The following GPC6 variants were observed in gnomAD, a reference collection of about 807,000 sequenced individuals.
GPC6 encodes glypican 6.
A neutral mutation model predicts 55.2 loss-of-function variants in GPC6; 14 were observed. The observed-to-expected ratio is 0.25, with a 90% confidence interval of 0.17 to 0.40. The LOEUF (loss-of-function observed/expected upper bound fraction) is 0.40. GPC6 is among the 10% of genes least tolerant of loss of function. The pLI, the probability that GPC6 is intolerant of heterozygous loss-of-function variation, is 1.00. For synonymous variants in GPC6, 278 were observed against 259.6 expected, an observed-to-expected ratio of 1.07 and a Z score of -0.68; for missense variants, 641 against 708.5, an observed-to-expected ratio of 0.90 and a Z score of 1.08.
chr13:93,690,520 A>AT (rs143715045), intron 2 of GPC6, among the ~76,000 whole-genome samples: 103 of 149,462 alleles, frequency 6.9e-4, no homozygotes, highest in Middle Eastern at 3.4e-3. Flanking sequence ...TGATTTTTTA[A>AT]TTTTTTTTTT....
At chr13:93,341,364 A>G (rs1164298708) in intron 1 of GPC6, among the ~76,000 whole-genome samples, 1 of 152,226 alleles carries the variant, frequency 6.6e-6, no homozygotes, top group Admixed American at 6.5e-5. Context: ...CATTCTCACC[A>G]GCAGTGTTTA....
intron 1 of GPC6, among the ~76,000 whole-genome samples, chr13:93,324,536 GTA>G (rs1171293283): frequency 2.6e-5 from 3 of 114,208 alleles, no homozygotes; most frequent in African/African-American, 4.4e-5. Context: ...TCTCATGTAT[GTA>G]TGTGTGTATA....
chr13:94,295,422 G>GCAA (rs1214418956), intron 5 of GPC6, among the ~76,000 whole-genome samples: 5 of 152,102 alleles, frequency 3.3e-5, no homozygotes, highest in African/African-American at 1.2e-4. Context: ...TAGTCTGTGG[G>GCAA]GTTGTTTTTA....
chr13:93,278,337 C>G (rs920819694), intron 1 of GPC6, among the ~76,000 whole-genome samples: 1 of 152,124 alleles, frequency 6.6e-6, no homozygotes, highest in Non-Finnish European at 1.5e-5. Context: ...CAGTTCGATA[C>G]TATTAGGTAT....
rs1389901193 is a variant in GPC6 at position 93,979,345 on chromosome 13, GT to G, written c.712-48376del. Reference sequence around the variant, plus strand: ...TGTGTGTGTTTTTTTGTGTGTGTGTGTTTTTTTTAATTTTTTTTTTATTATA... The same window carrying G: ...TGTGTGTGTTTTTTTGTGTGTGTGTGTTTTTTTAATTTTTTTTTTATTATA... On this transcript the variant is annotated intron_variant, in intron 3 of 8. Coordinates refer to ENST00000377047, the MANE Select transcript of GPC6 (RefSeq NM_005708.5). Among the ~76,000 whole-genome samples the G allele has an allele frequency of 1.1e-3, 158 of 147,054 alleles. 3 individuals carry two copies. In the South Asian group the frequency reaches 0.013, roughly 12 times the overall value.
At chr13:93,999,645 A>G (rs962490762) in intron 3 of GPC6, among the ~76,000 whole-genome samples, 3 of 152,212 alleles carry the variant, frequency 2.0e-5, no homozygotes, top group African/African-American at 4.8e-5. Flanking sequence ...AAGACTGAAT[A>G]GTATTCCATT....
intron 3 of GPC6, among the ~76,000 whole-genome samples, chr13:94,005,973 A>C (rs1277368054): frequency 6.6e-6 from 1 of 152,186 alleles, no homozygotes; most frequent in African/African-American, 2.4e-5. Flanking sequence ...AGAAATGCAA[A>C]AGATGTTGAA....
At chr13:94,262,044 G>A (rs1891672226) in intron 4 of GPC6, among the ~76,000 whole-genome samples, 1 of 152,128 alleles carries the variant, frequency 6.6e-6, no homozygotes, top group Non-Finnish European at 1.5e-5. Context: ...GAGGAAGTGG[G>A]ATCTATAAGG....
chr13:93,634,903 C>G (rs1879628651), intron 2 of GPC6, among the ~76,000 whole-genome samples: 1 of 152,074 alleles, frequency 6.6e-6, no homozygotes, highest in Admixed American at 6.6e-5. Context: ...ATAGGAACAA[C>G]TTTGAGTAGG....
chr13:93,266,894 A>G (rs1877342747), intron 1 of GPC6, among the ~76,000 whole-genome samples: 1 of 152,132 alleles, frequency 6.6e-6, no homozygotes, highest in African/African-American at 2.4e-5. Flanking sequence ...TCTGTCGTGT[A>G]TTTCTCAAGA....
intron 2 of GPC6, among the ~76,000 whole-genome samples, chr13:93,636,966 T>C (rs1242310687): frequency 6.6e-6 from 1 of 151,656 alleles, no homozygotes; most frequent in African/African-American, 2.4e-5. Context: ...GTGGAGCACA[T>C]TTTCACCATT....
intron 6 of GPC6, among the ~76,000 whole-genome samples, chr13:94,341,636 A>G (rs1566697085): frequency 6.6e-6 from 1 of 152,126 alleles, no homozygotes; most frequent in Non-Finnish European, 1.5e-5. Flanking sequence ...TATCATCAAG[A>G]TGAACCTTAA....
At chr13:93,576,868 G>A (rs1199940971) in intron 2 of GPC6, among the ~76,000 whole-genome samples, 1 of 151,998 alleles carries the variant, frequency 6.6e-6, no homozygotes, top group Non-Finnish European at 1.5e-5. Flanking sequence ...AACTTGCTTT[G>A]GATTAGACTT....
chr13:93,505,888 G>C (rs1440127810), intron 1 of GPC6, among the ~76,000 whole-genome samples: 1 of 152,158 alleles, frequency 6.6e-6, no homozygotes, highest in African/African-American at 2.4e-5. Context: ...TGAATAAGAA[G>C]ATTTGCAAAA....
intron 4 of GPC6, among the ~76,000 whole-genome samples, chr13:94,059,237 C>A (rs1594702795): frequency 6.7e-6 from 1 of 150,140 alleles, no homozygotes; most frequent in East Asian, 2.0e-4. Context: ...TTTCAGTAAT[C>A]AGACGCTGTT....
At chr13:93,354,516 ATTATTTTTTTT>A (rs1181281586) in intron 1 of GPC6, among the ~76,000 whole-genome samples, 1 of 98,008 alleles carries the variant, frequency 1.0e-5, no homozygotes, top group Admixed American at 1.1e-4. Flanking sequence ...ACACTCGGCT[ATTATTTTTTTT>A]TTTTTTTTTT....
At chr13:94,385,362 C>G (rs1241120493) in intron 7 of GPC6, among the ~76,000 whole-genome samples, 3 of 152,134 alleles carry the variant, frequency 2.0e-5, no homozygotes, top group East Asian at 1.9e-4. Context: ...ACGGACCACA[C>G]TGGTAGAGAA....
At chr13:94,110,408 G>T (rs145494971) in intron 4 of GPC6, among the ~76,000 whole-genome samples, 1 of 152,088 alleles carries the variant, frequency 6.6e-6, no homozygotes, top group African/African-American at 2.4e-5. Flanking sequence ...GCCTATTATA[G>T]TAAGTGAAGT....
chr13:93,416,751 T>C (rs1876714049), intron 1 of GPC6, among the ~76,000 whole-genome samples: 1 of 152,056 alleles, frequency 6.6e-6, no homozygotes. Flanking sequence ...CTGTGTCCAC[T>C]GAATTCTCAT....
Sources: gnomAD v4.1 joint callset for allele counts (sites outside exome capture counted in the v4.1 genomes callset) on GRCh38, gnomAD v4.1.1 for gene constraint, MANE v1.5 for transcripts, NCBI Gene and HGNC (gene_info 2026-07-23, HGNC 2026-07-21) for gene names.